PDE4D: variants seen among roughly 807,000 people sequenced by gnomAD.
The protein encoded by PDE4D is 3',5'-cyclic-AMP phosphodiesterase 4D.
Under a neutral mutation model 87.4 loss-of-function variants are expected in PDE4D, and 24 were observed. The observed-to-expected ratio is 0.27, with a 90% CI of 0.20 to 0.39. PDE4D has a LOEUF of 0.39. PDE4D is among the 10% of genes least tolerant of loss of function. The pLI, the probability that PDE4D is intolerant of heterozygous loss-of-function variation, is 1.00. For missense variants in PDE4D, 714 were observed against 1,041.0 expected, an observed-to-expected ratio of 0.69 and a Z score of 4.32; for synonymous variants, 384 against 383.2, an observed-to-expected ratio of 1.00 and a Z score of -0.02.
At chr5:60,427,126 G>C (rs1325893136) in intron 1 of PDE4D, among the ~76,000 whole-genome samples, 1 of 152,128 alleles carries the variant, frequency 6.6e-6, no homozygotes, top group Non-Finnish European at 1.5e-5. Context: ...AAAAGCGAGT[G>C]AGAATGGGCC....
intron 1 of PDE4D, among the ~76,000 whole-genome samples, chr5:60,293,291 G>A (rs1335482518): frequency 2.6e-5 from 4 of 151,794 alleles, no homozygotes; most frequent in South Asian, 2.1e-4. Flanking sequence ...TTTGGGAGGC[G>A]ATCACAAGGT....
intron 5 of PDE4D, chr5:59,180,286 G>C (rs1377078658): frequency 5.0e-5 from 26 of 518,254 alleles, no homozygotes; most frequent in Non-Finnish European, 9.5e-5. Flanking sequence ...AACCAGAATG[G>C]GAAGTGACTT....
At chr5:59,458,507 TTCTGAA>T (rs759331982) in intron 1 of PDE4D, among the ~76,000 whole-genome samples, 29 of 152,330 alleles carry the variant, frequency 1.9e-4, no homozygotes, top group Non-Finnish European at 3.7e-4. Context: ...CTTGCCTGCT[TTCTGAA>T]TCTGCTTTGT....
chr5:59,959,681 C>T (rs1482715109), intron 3 of PDE4D, among the ~76,000 whole-genome samples: 2 of 151,666 alleles, frequency 1.3e-5, no homozygotes, highest in Admixed American at 6.6e-5. Flanking sequence ...AAACTGGACC[C>T]CTACCTCTTA....
intron 1 of PDE4D, among the ~76,000 whole-genome samples, chr5:59,858,914 C>T (rs1202431661): frequency 6.6e-6 from 1 of 152,158 alleles, no homozygotes; most frequent in Non-Finnish European, 1.5e-5. Context: ...ACAAGAGACT[C>T]TCACGGAGGA....
chr5:60,260,766 C>T (rs2149702984), intron 1 of PDE4D, among the ~76,000 whole-genome samples: 1 of 152,206 alleles, frequency 6.6e-6, no homozygotes, highest in East Asian at 1.9e-4. Flanking sequence ...TCTCTGAAAA[C>T]CCTCTAATTT....
At chr5:59,581,342 TTCTCTGAACCC>T (rs1005857792) in intron 1 of PDE4D, among the ~76,000 whole-genome samples, 1 of 152,202 alleles carries the variant, frequency 6.6e-6, no homozygotes, top group African/African-American at 2.4e-5. Flanking sequence ...TTGCCTATTT[TTCTCTGAACCC>T]AAATACCTCA....
At chr5:59,581,914 T>C (rs569524763) in intron 1 of PDE4D, among the ~76,000 whole-genome samples, 1 of 152,260 alleles carries the variant, frequency 6.6e-6, no homozygotes, top group African/African-American at 2.4e-5. Flanking sequence ...TAAACCTGAA[T>C]TTCTGCCTTA....
intron 1 of PDE4D, among the ~76,000 whole-genome samples, chr5:60,300,020 T>C (rs1163661470): frequency 1.3e-5 from 2 of 152,226 alleles, no homozygotes; most frequent in Admixed American, 1.3e-4. Flanking sequence ...CCACCAACAG[T>C]GTAAAAGCAT....
At chr5:59,763,936 T>C (rs1206164726) in intron 1 of PDE4D, among the ~76,000 whole-genome samples, 1 of 152,126 alleles carries the variant, frequency 6.6e-6, no homozygotes, top group Non-Finnish European at 1.5e-5. Context: ...AGAGGCGCAA[T>C]AGAAATCTGT....
At chr5:59,972,506 G>C (rs1760892963) in intron 3 of PDE4D, among the ~76,000 whole-genome samples, 1 of 152,222 alleles carries the variant, frequency 6.6e-6, no homozygotes, top group Non-Finnish European at 1.5e-5. Context: ...CACAAAGAAG[G>C]TAAAAACTGA....
intron 9 of PDE4D, among the ~76,000 whole-genome samples, chr5:58,990,527 G>A (rs1325121021): frequency 6.6e-6 from 1 of 152,080 alleles, no homozygotes; most frequent in African/African-American, 2.4e-5. Context: ...CTAAGATGAT[G>A]TCTAAATTAT....
chr5:60,103,134 T>C (rs887065333), intron 2 of PDE4D, among the ~76,000 whole-genome samples: 1 of 152,094 alleles, frequency 6.6e-6, no homozygotes, highest in Non-Finnish European at 1.5e-5. Context: ...CTACTACAGC[T>C]CCTAGAAGAA....
intron 2 of PDE4D, among the ~76,000 whole-genome samples, chr5:60,026,299 A>C (rs527804079): frequency 6.6e-6 from 1 of 152,286 alleles, no homozygotes; most frequent in Non-Finnish European, 1.5e-5. Context: ...CACCCAGACA[A>C]GTAGACAAGT....
chr5:59,159,129 TACG>T (rs1780656845), intron 5 of PDE4D, among the ~76,000 whole-genome samples: 1 of 152,040 alleles, frequency 6.6e-6, no homozygotes, highest in East Asian at 1.9e-4. Flanking sequence ...TCTGAATTCT[TACG>T]ATACTCTGTG....
At chr5:59,886,401 C>T (rs1229595057) in intron 1 of PDE4D, among the ~76,000 whole-genome samples, 1 of 152,052 alleles carries the variant, frequency 6.6e-6, no homozygotes, top group East Asian at 1.9e-4. Context: ...CCTGTAGTCC[C>T]AGCTACTCGG....
chr5:59,233,341 CT>C, intron 1 of PDE4D, among the ~76,000 whole-genome samples: 1 of 152,126 alleles, frequency 6.6e-6, no homozygotes, highest in Admixed American at 6.5e-5. Context: ...AAAAATTAGG[CT>C]TGCCTTATTC....
intron 1 of PDE4D, among the ~76,000 whole-genome samples, chr5:59,636,051 C>T (rs1257919203): frequency 6.6e-6 from 1 of 151,256 alleles, no homozygotes; most frequent in African/African-American, 2.4e-5. Flanking sequence ...AGGATAAAAA[C>T]TCAATGTACA....
At chr5:60,286,291 C>T (rs1486135037) in intron 1 of PDE4D, among the ~76,000 whole-genome samples, 1 of 152,156 alleles carries the variant, frequency 6.6e-6, no homozygotes, top group East Asian at 1.9e-4. Context: ...ATACAACAAG[C>T]CATTGTAGAT....
Sources: gnomAD v4.1 joint callset for allele counts (sites outside exome capture counted in the v4.1 genomes callset) on GRCh38, gnomAD v4.1.1 for gene constraint, MANE v1.5 for transcripts, NCBI Gene and HGNC (gene_info 2026-07-23, HGNC 2026-07-21) for gene names.